LRRN2: variants seen among roughly 807,000 people sequenced by gnomAD.
The protein encoded by LRRN2 is leucine-rich repeat neuronal protein 2.
In LRRN2, 10 loss-of-function variants were observed where a neutral mutation model predicts 35.7. The ratio of observed to expected loss-of-function variants is 0.28; its 90% CI spans 0.17 to 0.47. LRRN2 has a LOEUF of 0.47. Ranked by LOEUF, LRRN2 falls within the 20% of genes least tolerant of loss-of-function variation. The pLI is 0.99. For synonymous variants in LRRN2, 391 were observed against 409.6 expected (o/e 0.95, Z 0.55); for missense variants, 731 against 940.3 (o/e 0.78, Z 2.91).
In LRRN2 at chr1:204,618,957, CGTT is replaced by C. The variant is rs1348961282; in HGVS notation, c.1033_1035del (p.Asn345del). ...GTCTGCTGGTGCAAGGCACTGAGAG[CGTT>C]GTTGTTGAGCATGAGGGTCTCCATC... On this transcript the variant is annotated inframe_deletion, in exon 2 of 2. Coordinates refer to ENST00000367177, the MANE Select transcript of LRRN2 (RefSeq NM_201630.2). 7 of 1,613,972 alleles carry C rather than the reference CGTT, an allele frequency of 4.3e-6. No homozygotes were observed. The highest frequency in any genetic ancestry group is 2.2e-5 in the South Asian group (2 of 91,074).
Position 204,619,298 on chromosome 1 carries a change from G to T in LRRN2, c.695C>A (p.Ala232Asp). Reference sequence around the variant, plus strand: ...CTCCAGGCTTTGCAGCCCCTCCAGGGCATAGTCGGAGATCTCCCGCAGGTT... The same window carrying T: ...CTCCAGGCTTTGCAGCCCCTCCAGGTCATAGTCGGAGATCTCCCGCAGGTT... ...GMNLREISDY[A>D]LEGLQSLESL... Residue 232 changes from alanine (A) to aspartate (D), a missense_variant, in exon 2 of 2, where the codon GCC (alanine) becomes GAC (aspartate). Coordinates refer to ENST00000367177, the MANE Select transcript of LRRN2 (RefSeq NM_201630.2). The T allele has an allele frequency of 6.2e-7, 1 of 1,614,164 alleles. No individual in the cohort carries two copies. The highest frequency in any genetic ancestry group is 8.5e-7 in the Non-Finnish European group (1 of 1,180,024).
At position 204,619,288 on chromosome 1, in the gene LRRN2, C is replaced by T; in HGVS notation, c.705G>A (p.Gly235=). 6.2e-7 allele frequency: 1 copy of T among 1,614,158 alleles called. No individual in the cohort carries two copies. Among genetic ancestry groups the T allele is most frequent in the East Asian group, 2.2e-5 (1 of 44,882 alleles). Residue 235 remains glycine, a synonymous_variant, in exon 2 of 2, where the codon GGG becomes GGA. Transcript: ENST00000367177. The part of the protein sequence containing the change: ...LREISDYALE[G]LQSLESLSFY... ...AGGAGAGGCTCTCCAGGCTTTGCAG[C>T]CCCTCCAGGGCATAGTCGGAGATCT...
At chr1:204,626,894 A>G (rs1329589385) in intron 1 of LRRN2, 1 of 151,878 alleles carries the variant, frequency 6.6e-6, no homozygotes, top group Non-Finnish European at 1.5e-5. Context: ...GCTGCCCCCT[A>G]TTTTATACAC....
At chr1:204,621,789 G>A (rs532876100) in intron 1 of LRRN2, 1 of 167,244 alleles carries the variant, frequency 6.0e-6, no homozygotes, top group Non-Finnish European at 1.5e-5. Flanking sequence ...GGGCCAGACT[G>A]TGTTGCCTTC....
chr1:204,674,797 C>T (rs1403245859), intron 1 of LRRN2, among the ~76,000 whole-genome samples: 2 of 152,100 alleles, frequency 1.3e-5, no homozygotes, highest in Non-Finnish European at 2.9e-5. Flanking sequence ...GGGCTGGCTG[C>T]GGATGTTTGG....
intron 1 of LRRN2, among the ~76,000 whole-genome samples, chr1:204,624,991 C>T (rs1328665468): frequency 2.0e-5 from 3 of 152,252 alleles, no homozygotes; most frequent in Non-Finnish European, 4.4e-5. Context: ...TACCTGGCCT[C>T]CAGCTCCTCC....
At position 204,619,633 on chromosome 1, in the gene LRRN2, C is replaced by G. The variant is rs777838491; in HGVS notation, c.360G>C (p.Leu120=). ...GCTGGTTCTCCTCTAGGTGCAGGCTCAGCAGCTGGGGCAGGGCATGGAAAT... is the reference window on the plus strand; with the variant it reads ...GCTGGTTCTCCTCTAGGTGCAGGCTGAGCAGCTGGGGCAGGGCATGGAAAT... The part of the protein sequence containing the change: ...DCDFHALPQL[L]SLHLEENQLT... The change falls in exon 2 of 2, where the codon CTG becomes CTC. Residue 120 remains leucine (L), a synonymous_variant. Transcript: ENST00000367177. The G allele has an allele frequency of 1.9e-6, 3 of 1,614,234 alleles. No individual in the cohort carries two copies. Among genetic ancestry groups the G allele is most frequent in the African/African-American group, 1.3e-5 (1 of 75,058 alleles).
chr1:204,668,551 C>T (rs184744123), intron 1 of LRRN2, among the ~76,000 whole-genome samples: 5 of 152,146 alleles, frequency 3.3e-5, no homozygotes, highest in Non-Finnish European at 7.4e-5. Context: ...GCCAAGATCA[C>T]GCCATTGCAC....
chr1:204,668,854 C>A (rs1375859281), intron 1 of LRRN2, among the ~76,000 whole-genome samples: 2 of 152,210 alleles, frequency 1.3e-5, no homozygotes, highest in Non-Finnish European at 2.9e-5. Flanking sequence ...GACAGGGTCT[C>A]ACTCTGTTGC....
rs762401317 is a variant in LRRN2 at position 204,619,324 on chromosome 1, C to A, written c.669G>T (p.Met223Ile). The change falls in exon 2 of 2, where the codon ATG becomes ATT. Residue 223 changes from methionine to isoleucine, a missense_variant. By Grantham distance (10) the Met-to-Ile change is conservative (BLOSUM62 1). Transcript: ENST00000367177. The part of the protein sequence containing the change: ...ANLRSLVLAG[M>I]NLREISDYAL... ...CATAGTCGGAGATCTCCCGCAGGTT[C>A]ATGCCTGCTAGCACCAGGCTACGCA... 1.2e-6 allele frequency: 2 copies of A among 1,614,186 alleles called. No individual in the cohort carries two copies. Among genetic ancestry groups the A allele is most frequent in the South Asian group, 2.2e-5 (2 of 91,068 alleles).
In LRRN2 at chr1:204,619,010, G is replaced by C. The variant is rs2102565485; in HGVS notation, c.983C>G (p.Pro328Arg). Residue 328 changes from proline to arginine, a missense_variant, in exon 2 of 2, where the codon CCC (proline) becomes CGC (arginine). Physicochemically the swap from Pro to Arg is moderately radical, Grantham distance 103. Around this residue, in one of 3 missense-constraint regions of LRRN2, gnomAD observed 256 missense variants for 392.4 expected, o/e 0.65. Coordinates refer to ENST00000367177, the MANE Select transcript of LRRN2 (RefSeq NM_201630.2). ...TNNPRLSFIHPRAFHHLPQME... is the reference protein window; with the variant it reads ...TNNPRLSFIHRRAFHHLPQME... ...CTGGGGCAGGTGGTGGAAGGCGCGG[G>C]GGTGGATGAAGGACAGCCGTGGGTT... The C allele has an allele frequency of 6.2e-7, 1 of 1,611,150 alleles. No homozygotes were observed. The highest frequency in any genetic ancestry group is 8.5e-7 in the Non-Finnish European group (1 of 1,177,960).
intron 1 of LRRN2, among the ~76,000 whole-genome samples, chr1:204,680,309 C>T (rs1346565042): frequency 6.6e-6 from 1 of 152,136 alleles, no homozygotes; most frequent in African/African-American, 2.4e-5. Flanking sequence ...GTTGTTACCA[C>T]GTGAGAGGTA....
chr1:204,648,634 A>C (rs1668160500), intron 1 of LRRN2, among the ~76,000 whole-genome samples: 1 of 151,986 alleles, frequency 6.6e-6, no homozygotes, highest in South Asian at 2.1e-4. Context: ...CCCCCCACCC[A>C]ACCTACTTTT....
Position 204,617,787 on chromosome 1 carries a change from A to T in LRRN2, c.*64T>A, listed in dbSNP as rs1666456354. The T allele has an allele frequency of 6.3e-7, 1 of 1,576,040 alleles. No individual in the cohort carries two copies. Among genetic ancestry groups the T allele is most frequent in the Non-Finnish European group, 8.7e-7 (1 of 1,148,504 alleles). ...TTTCCTGGCAGGGCATCTGGCCCAG[A>T]CTGCTTCTCTTTTGGTAAAAAGTAG... On this transcript the variant is annotated 3_prime_UTR_variant, in exon 2 of 2. Coordinates refer to ENST00000367177, the MANE Select transcript of LRRN2 (RefSeq NM_201630.2).
rs114877011 is a variant in LRRN2, at chr1:204,619,939, G to A, written c.54C>T (p.Ala18=). The change falls in exon 2 of 2, where the codon GCC becomes GCT. Residue 18 remains alanine (A), a synonymous_variant. Coordinates refer to ENST00000367177, the MANE Select transcript of LRRN2 (RefSeq NM_201630.2). ...LLLAWVAGAT[A]AVPVVPWHVP... ...CATGCCAGGGTACCACGGGCACAGC[G>A]GCAGTGGCACCAGCCACCCAAGCTA... The A allele has an allele frequency of 5.2e-4, 837 of 1,613,222 alleles. 2 individuals are homozygous for A. The Middle Eastern group carries it at 5.8e-3, about 11-fold the overall frequency.
chr1:204,669,485 C>T (rs186595216), intron 1 of LRRN2, among the ~76,000 whole-genome samples: 1 of 152,324 alleles, frequency 6.6e-6, no homozygotes, highest in Non-Finnish European at 1.5e-5. Context: ...ATGGACATTT[C>T]TCTAATAAGC....
chr1:204,673,256 A>G (rs1668750393), intron 1 of LRRN2, among the ~76,000 whole-genome samples: 1 of 152,252 alleles, frequency 6.6e-6, no homozygotes, highest in East Asian at 1.9e-4. Flanking sequence ...TACCAAGTCT[A>G]TCAGAATTCT....
chr1:204,621,891 C>T (rs1160084881), intron 1 of LRRN2: 3 of 167,122 alleles, frequency 1.8e-5, no homozygotes, highest in African/African-American at 7.2e-5. Context: ...TTACTGAGCA[C>T]CTACCATTGC....
At chr1:204,642,765 TA>T (rs1171514629) in intron 1 of LRRN2, among the ~76,000 whole-genome samples, 1 of 152,206 alleles carries the variant, frequency 6.6e-6, no homozygotes, top group Non-Finnish European at 1.5e-5. Context: ...GCAGCTCTAT[TA>T]AGAGCACACG....
Sources: allele counts gnomAD v4.1 joint callset (sites outside exome capture counted in the v4.1 genomes callset), GRCh38; gene constraint gnomAD v4.1.1; regional missense constraint gnomAD v4.1.1; transcripts MANE v1.5; gene names NCBI Gene and HGNC (gene_info 2026-07-23, HGNC 2026-07-21).